DTNB: variants seen among roughly 807,000 people sequenced by gnomAD.
The protein encoded by DTNB is DTN-B.
DTNB carries 63 observed loss-of-function variants against 90.7 expected under a neutral mutation model. The observed-to-expected ratio is 0.69, with a 90% CI of 0.57 to 0.86. The LOEUF is 0.86. Among genes scored for constraint, DTNB ranks in the 40% least tolerant of loss-of-function variants. The pLI is 0.00. For synonymous variants in DTNB, 277 were observed against 286.7 expected (o/e 0.97, Z 0.34); for missense variants, 744 against 807.1 (o/e 0.92, Z 0.95).
At chr2:25,579,137 G>A (rs2148175619) in intron 7 of DTNB, among the ~76,000 whole-genome samples, 1 of 152,076 alleles carries the variant, frequency 6.6e-6, no homozygotes, top group African/African-American at 2.4e-5. Context: ...CTTTCTACTT[G>A]GTATAGCAAA....
chr2:25,593,710 TAAC>T (rs1559159891), intron 6 of DTNB, among the ~76,000 whole-genome samples: 1 of 152,208 alleles, frequency 6.6e-6, no homozygotes, highest in Non-Finnish European at 1.5e-5. Context: ...TTCTTAGAAT[TAAC>T]AACTGCACTT....
chr2:25,578,507 A>G (rs1292634369), intron 7 of DTNB, among the ~76,000 whole-genome samples: 2 of 152,372 alleles, frequency 1.3e-5, no homozygotes, highest in African/African-American at 4.8e-5. Flanking sequence ...TTAAATTACC[A>G]AATACATTCT....
chr2:25,649,740 AT>A (rs1274159673), intron 2 of DTNB: 1 of 152,576 alleles, frequency 6.6e-6, no homozygotes, highest in Non-Finnish European at 1.5e-5. Context: ...AAAAAATTGT[AT>A]AGTTACCTAC....
intron 1 of DTNB, among the ~76,000 whole-genome samples, chr2:25,666,569 A>G (rs1489143726): frequency 6.6e-6 from 1 of 152,228 alleles, no homozygotes; most frequent in Non-Finnish European, 1.5e-5. Context: ...GGCTAATTAA[A>G]TCTTCTAGAA....
intron 5 of DTNB, among the ~76,000 whole-genome samples, chr2:25,601,383 C>A (rs1181635173): frequency 6.6e-6 from 1 of 152,146 alleles, no homozygotes; most frequent in Non-Finnish European, 1.5e-5. Context: ...AGGAAGCTTT[C>A]TCCCTTGTGA....
intron 9 of DTNB, among the ~76,000 whole-genome samples, chr2:25,499,155 C>T (rs1267755832): frequency 2.7e-5 from 4 of 150,712 alleles, no homozygotes; most frequent in South Asian, 4.2e-4. Context: ...AGGCGGAGGA[C>T]GCACTCAGTC....
At chr2:25,426,165 T>C (rs1222781513) in intron 15 of DTNB, among the ~76,000 whole-genome samples, 1 of 152,238 alleles carries the variant, frequency 6.6e-6, no homozygotes, top group African/African-American at 2.4e-5. Context: ...GTGATGGTTA[T>C]TTTTATGTGT....
At chr2:25,599,135 G>A (rs2065266132) in intron 5 of DTNB, 1 of 151,306 alleles carries the variant, frequency 6.6e-6, no homozygotes, top group African/African-American at 2.4e-5. Context: ...GACAGTGTGT[G>A]CGGGGACAGG....
chr2:25,627,942 T>TA (rs1190289912), intron 4 of DTNB, among the ~76,000 whole-genome samples: 1 of 152,152 alleles, frequency 6.6e-6, no homozygotes, highest in Non-Finnish European at 1.5e-5. Flanking sequence ...TTCACCGTGT[T>TA]AGCCGGGATG....
intron 12 of DTNB, among the ~76,000 whole-genome samples, chr2:25,450,651 A>G (rs2059146020): frequency 6.6e-6 from 1 of 152,228 alleles, no homozygotes; most frequent in South Asian, 2.1e-4. Flanking sequence ...CCATCCTAAC[A>G]ATATTAAATC....
chr2:25,419,492 G>A (rs926178975), intron 16 of DTNB, 23 bp downstream of exon 16: 24 of 1,557,936 alleles, frequency 1.5e-5, no homozygotes, highest in African/African-American at 6.8e-5. Context: ...AGAGTCCGGC[G>A]GGAAATTCCG....
At chr2:25,607,455 C>A in intron 4 of DTNB, 134 bp from the exon 5 acceptor site, 1 of 858,886 alleles carries the variant, frequency 1.2e-6, no homozygotes. Context: ...ATTTAGAAAC[C>A]CTGGATTTTT....
At chr2:25,402,523 C>T (rs1250946397) in intron 16 of DTNB, among the ~76,000 whole-genome samples, 2 of 150,056 alleles carry the variant, frequency 1.3e-5, no homozygotes, top group African/African-American at 2.5e-5. Context: ...CTTCTAGACA[C>T]TGGAGAGAGG....
At chr2:25,470,040 T>C (rs76497486) in intron 10 of DTNB, among the ~76,000 whole-genome samples, 1,665 of 152,302 alleles carry the variant, frequency 0.011, 22 homozygotes, top group African/African-American at 0.038. Context: ...GGAAGCTCTA[T>C]GAGAAATGCT....
At position 25,452,899 on chromosome 2, in the gene DTNB, C is replaced by T. The variant is rs567199400; in HGVS notation, c.1170-1264G>A. Among the ~76,000 whole-genome samples the T allele has an allele frequency of 7.3e-5, 11 of 151,708 alleles. No individual in the cohort carries two copies. The South Asian group carries it at 2.3e-3, about 32-fold the overall frequency. On this transcript the variant is annotated intron_variant, in intron 11 of 20. Transcript: ENST00000406818. ...AAATATCCATCTTCAGGATGATCAC[C>T]CTCTCAAAAATGATCTTGTAATAAG...
intron 9 of DTNB, among the ~76,000 whole-genome samples, chr2:25,499,201 A>T (rs938079532): frequency 2.0e-5 from 3 of 151,956 alleles, no homozygotes; most frequent in African/African-American, 7.3e-5. Context: ...AACCAAACAA[A>T]CAAAAACAAA....
chr2:25,491,043 C>T (rs1450674028), intron 9 of DTNB, among the ~76,000 whole-genome samples: 1 of 150,906 alleles, frequency 6.6e-6, no homozygotes, highest in African/African-American at 2.4e-5. Flanking sequence ...GAAAAAGATG[C>T]TTAATGTAAA....
At chr2:25,616,441 A>G (rs1263114125) in intron 4 of DTNB, among the ~76,000 whole-genome samples, 2 of 152,120 alleles carry the variant, frequency 1.3e-5, no homozygotes, top group Non-Finnish European at 2.9e-5. Context: ...CCTGTTGTAA[A>G]TATTAGTCCT....
intron 8 of DTNB, among the ~76,000 whole-genome samples, chr2:25,572,292 C>A (rs922630466): frequency 6.6e-6 from 1 of 152,090 alleles, no homozygotes; most frequent in Non-Finnish European, 1.5e-5. Context: ...ACGGTGAAAC[C>A]CTGTCTCTAC....
Sources: allele counts gnomAD v4.1 joint callset (sites outside exome capture counted in the v4.1 genomes callset), GRCh38; gene constraint gnomAD v4.1.1; transcripts MANE v1.5; gene names NCBI Gene and HGNC (gene_info 2026-07-23, HGNC 2026-07-21).